The following PDIA5 variants were observed in gnomAD, a reference collection of about 807,000 sequenced individuals.
PDIA5 encodes the protein protein disulfide isomerase family A member 5, also known as protein disulfide-isomerase A5.
PDIA5 carries 58 observed loss-of-function variants against 77.6 expected under a neutral mutation model. That is an observed-to-expected ratio of 0.75 (90% CI 0.61 to 0.93). PDIA5 has a LOEUF of 0.93. PDIA5 is among the 40% of genes least tolerant of loss of function. The pLI is 0.00. For missense variants in PDIA5, 630 were observed against 647.7 expected (o/e 0.97, Z 0.30); for synonymous variants, 250 against 252.1 (o/e 0.99, Z 0.08).
chr3:123,106,792 G>T lies in PDIA5; in HGVS notation c.431G>T (p.Trp144Leu). The change falls in exon 6 of 17, where the codon TGG (tryptophan) becomes TTG (leucine). Residue 144 changes from tryptophan to leucine, a missense_variant. Physicochemically the swap from Trp to Leu is moderately conservative, Grantham distance 61. Coordinates refer to ENST00000316218, the MANE Select transcript of PDIA5 (RefSeq NM_006810.4). ...FLKDPKGPPL[W>L]EEDPGAKDVV... ...AAGGATCCAAAAGGGCCCCCACTGT[G>T]GGAGGAAGATCCTGGAGCCAAAGAT... 1 of 1,612,968 alleles carries T rather than the reference G, an allele frequency of 6.2e-7. No homozygotes were observed.
chr3:123,114,923 A>G (rs1343983673), intron 7 of PDIA5, among the ~76,000 whole-genome samples: 2 of 152,088 alleles, frequency 1.3e-5, no homozygotes, highest in Non-Finnish European at 2.9e-5. Flanking sequence ...GAATGTCAGG[A>G]GGGGGCTGTG....
intron 11 of PDIA5, among the ~76,000 whole-genome samples, chr3:123,136,725 C>CAAAAAAAAAAAAAAAAAAAAAAAA (rs59022235): frequency 1.4e-5 from 1 of 71,530 alleles, no homozygotes; most frequent in Non-Finnish European, 2.5e-5. Flanking sequence ...GGTGACAAGA[C>CAAAAAAAAAAAAAAAAAAAAAAAA]AAAAAAAAAA....
At chr3:123,114,459 T>C (rs533772445) in intron 7 of PDIA5, among the ~76,000 whole-genome samples, 2 of 152,170 alleles carry the variant, frequency 1.3e-5, no homozygotes, top group Non-Finnish European at 2.9e-5. Context: ...CTATCCCCAC[T>C]GCACAGATAG....
At chr3:123,161,598 G>A (rs1289053565) in intron 16 of PDIA5, 143 bp downstream of exon 16, 1 of 917,046 alleles carries the variant, frequency 1.1e-6, no homozygotes, top group Admixed American at 2.7e-5. Context: ...CCAGGCCCTG[G>A]GCCTGGCTGA....
intron 7 of PDIA5, 46 bp from the exon 8 acceptor site, chr3:123,116,185 A>T: frequency 6.5e-7 from 1 of 1,530,416 alleles, no homozygotes; most frequent in South Asian, 1.1e-5. Context: ...GCAAGGGCTC[A>T]GCCATCCCTG....
intron 13 of PDIA5, among the ~76,000 whole-genome samples, chr3:123,149,669 C>T (rs553045071): frequency 6.6e-6 from 1 of 152,300 alleles, no homozygotes; most frequent in African/African-American, 2.4e-5. Flanking sequence ...AGATGCTTTT[C>T]ATACATTCTC....
At chr3:123,146,753 A>G (rs1935780842) in intron 13 of PDIA5, among the ~76,000 whole-genome samples, 1 of 152,222 alleles carries the variant, frequency 6.6e-6, no homozygotes, top group Non-Finnish European at 1.5e-5. Flanking sequence ...TAACCAAGTA[A>G]CAGACCAGGT....
At chr3:123,099,874 G>A (rs921731321) in intron 3 of PDIA5, among the ~76,000 whole-genome samples, 2 of 152,270 alleles carry the variant, frequency 1.3e-5, no homozygotes, top group Non-Finnish European at 2.9e-5. Flanking sequence ...AGGCTTGATG[G>A]AAGAGAGAGG....
At chr3:123,093,544 T>C (rs559298293) in intron 3 of PDIA5, among the ~76,000 whole-genome samples, 76 of 152,170 alleles carry the variant, frequency 5.0e-4, no homozygotes, top group Non-Finnish European at 9.1e-4. Flanking sequence ...CTTATGAGGC[T>C]TGTAGGTGGC....
At chr3:123,160,583 A>G (rs977904725) in intron 15 of PDIA5, among the ~76,000 whole-genome samples, 2 of 152,060 alleles carry the variant, frequency 1.3e-5, no homozygotes, top group African/African-American at 4.8e-5. Flanking sequence ...CTCACATCAC[A>G]TCATGTTGGA....
intron 14 of PDIA5, among the ~76,000 whole-genome samples, chr3:123,153,689 G>A (rs1287415789): frequency 7.9e-5 from 12 of 152,246 alleles, no homozygotes; most frequent in South Asian, 2.1e-4. Context: ...AATGCTCTGG[G>A]CCAGCTGGCC....
rs1182866490 is a variant in PDIA5 at position 123,125,290 on chromosome 3, T to G, written c.773+947T>G. On this transcript the variant is annotated intron_variant, in intron 10 of 16. Transcript: ENST00000316218. The stretch of plus-strand genomic sequence containing the variant: ...TTGGGCTCTCCTTTGTGGCTGACAT[T>G]GTTCTAAGCACTTTACATGGATTCT... Among the ~76,000 whole-genome samples, 5 of 152,236 alleles carry G rather than the reference T, an allele frequency of 3.3e-5. No individual in the cohort carries two copies. In the East Asian group the frequency reaches 9.6e-4, roughly 29 times the overall value.
chr3:123,158,963 C>T (rs1266903725), intron 15 of PDIA5, among the ~76,000 whole-genome samples: 8 of 152,206 alleles, frequency 5.3e-5, no homozygotes, highest in African/African-American at 1.2e-4. Flanking sequence ...CTGTGGAAAA[C>T]GCGCGTGGAT....
chr3:123,120,806 C>T (rs1292014974), intron 8 of PDIA5, among the ~76,000 whole-genome samples: 2 of 152,100 alleles, frequency 1.3e-5, no homozygotes, highest in Admixed American at 6.6e-5. Flanking sequence ...CCACCCCCCA[C>T]CTCCACCTCT....
At chr3:123,139,393 T>C (rs977849966) in intron 11 of PDIA5, among the ~76,000 whole-genome samples, 4 of 152,188 alleles carry the variant, frequency 2.6e-5, no homozygotes, top group African/African-American at 9.6e-5. Flanking sequence ...TTTCTCCTCC[T>C]CTGGGCCTGG....
intron 6 of PDIA5, among the ~76,000 whole-genome samples, 196 bp downstream of exon 6, chr3:123,107,037 A>G (rs1339046868): frequency 2.0e-5 from 3 of 152,214 alleles, no homozygotes; most frequent in Admixed American, 1.3e-4. Context: ...CGGTGATCAC[A>G]GGTTGCCTGA....
intron 1 of PDIA5, among the ~76,000 whole-genome samples, chr3:123,085,668 C>G (rs1934120712): frequency 6.6e-6 from 1 of 152,172 alleles, no homozygotes; most frequent in Admixed American, 6.5e-5. Flanking sequence ...CAGATGAGCT[C>G]TGGGCTCACC....
At chr3:123,125,656 T>C (rs1049103559) in intron 10 of PDIA5, among the ~76,000 whole-genome samples, 2 of 152,318 alleles carry the variant, frequency 1.3e-5, no homozygotes, top group African/African-American at 4.8e-5. Context: ...GTGGGTTTTG[T>C]ACCAGGAAAA....
rs1160867268 is a variant in PDIA5 at position 123,067,106 on chromosome 3, G to A, written c.-59G>A. 3.3e-6 allele frequency: 4 copies of A among 1,224,614 alleles called. No individual in the cohort carries two copies. In the African/African-American group the frequency reaches 6.2e-5, roughly 19 times the overall value. 75.9% of individuals were successfully genotyped at this position (1,224,614 alleles called of 1,614,324 possible). A position where few individuals can be genotyped will look rare whatever the true frequency, so the allele number is the denominator to read the frequency against. On this transcript the variant is annotated 5_prime_UTR_variant, in exon 1 of 17. Coordinates refer to ENST00000316218, the MANE Select transcript of PDIA5 (RefSeq NM_006810.4). Reference sequence around the variant, plus strand: ...TGGCCGCGGTGGAGCTAGCAGGCGGGCGGGCGGGAGCGGGCGCCGGAGTGG... The same window carrying A: ...TGGCCGCGGTGGAGCTAGCAGGCGGACGGGCGGGAGCGGGCGCCGGAGTGG...
Sources: gnomAD v4.1 joint callset for allele counts (sites outside exome capture counted in the v4.1 genomes callset) on GRCh38, gnomAD v4.1.1 for gene constraint, MANE v1.5 for transcripts, NCBI Gene and HGNC (gene_info 2026-07-23, HGNC 2026-07-21) for gene names.